The following DENND5A variants were observed in gnomAD, a reference collection of about 807,000 sequenced individuals.
DENND5A encodes DENN domain-containing protein 5A.
DENND5A carries 64 observed loss-of-function variants against 140.3 expected under a neutral mutation model. The observed-to-expected ratio is 0.46, with a 90% CI of 0.37 to 0.56. The LOEUF (loss-of-function observed/expected upper bound fraction) is 0.56, where lower values mean the gene tolerates loss of function less well. Among genes scored for constraint, DENND5A ranks in the 20% least tolerant of loss-of-function variants. The probability of loss-of-function intolerance (pLI) is 0.00; values close to 1 mark genes in which losing one functional copy is unlikely to be tolerated. For missense variants in DENND5A, 1,292 were observed against 1,593.8 expected (o/e 0.81, Z 3.22); for synonymous variants, 605 against 607.7 (o/e 1.00, Z 0.07).
intron 1 of DENND5A, among the ~76,000 whole-genome samples, chr11:9,261,691 T>C (rs1164500082): frequency 2.0e-5 from 3 of 150,684 alleles, no homozygotes; most frequent in Non-Finnish European, 4.4e-5. Flanking sequence ...TGAGGCAGAA[T>C]TGCTTGAACC....
intron 1 of DENND5A, among the ~76,000 whole-genome samples, chr11:9,250,640 T>C (rs567661157): frequency 5.3e-4 from 81 of 152,310 alleles, no homozygotes; most frequent in Non-Finnish European, 7.8e-4. Flanking sequence ...ACAATTTTAT[T>C]TCAAGCGGGG....
intron 1 of DENND5A, among the ~76,000 whole-genome samples, chr11:9,253,404 G>A (rs1590342405): frequency 6.6e-6 from 1 of 152,146 alleles, no homozygotes; most frequent in East Asian, 1.9e-4. Flanking sequence ...TATCATTAAA[G>A]TAAAATCCAC....
intron 4 of DENND5A, among the ~76,000 whole-genome samples, chr11:9,202,104 A>G (rs1020808860): frequency 3.3e-5 from 5 of 152,240 alleles, no homozygotes; most frequent in African/African-American, 1.2e-4. Context: ...ATCTGAATCT[A>G]ATCATGAAAA....
chr11:9,263,166 C>G (rs1369947662), intron 1 of DENND5A, among the ~76,000 whole-genome samples: 1 of 152,114 alleles, frequency 6.6e-6, no homozygotes, highest in African/African-American at 2.4e-5. Context: ...TCATTTTTTT[C>G]TAACCTTGTT....
chr11:9,262,984 G>A (rs960904976), intron 1 of DENND5A, among the ~76,000 whole-genome samples: 2 of 151,568 alleles, frequency 1.3e-5, no homozygotes, highest in African/African-American at 2.4e-5. Flanking sequence ...TTCGTGATCC[G>A]CCCGCCTCAG....
intron 1 of DENND5A, among the ~76,000 whole-genome samples, chr11:9,236,572 T>A (rs1851013559): frequency 2.0e-5 from 3 of 151,902 alleles, no homozygotes; most frequent in Admixed American, 6.6e-5. Context: ...TTAGCATTTT[T>A]AAATAGTAAA....
intron 10 of DENND5A, among the ~76,000 whole-genome samples, chr11:9,168,475 C>A (rs1402256130): frequency 1.3e-5 from 2 of 152,120 alleles, no homozygotes; most frequent in African/African-American, 2.4e-5. Flanking sequence ...TTGTGTATGT[C>A]CTTTATCAGC....
In DENND5A at chr11:9,170,725, T is replaced by C; in HGVS notation, c.1959A>G (p.Pro653=). ...LAKIDHTAIH[P]HLLDMKIGQG... is the part of the protein sequence containing the mutation. ...GTCCAATCTTCATGTCAAGTAAATG[T>C]GGGTGAATTGCAGTATGGTCAATTT... is the stretch of plus-strand genomic sequence containing the variant. The change falls in exon 9 of 23, where the codon CCA becomes CCG. Residue 653 remains proline (P), a synonymous_variant. Transcript: ENST00000328194. The C allele has an allele frequency of 9.3e-6, 15 of 1,614,018 alleles. No individual in the cohort carries two copies. The highest frequency in any genetic ancestry group is 1.2e-5 in the Non-Finnish European group (14 of 1,180,014).
At chr11:9,247,877 A>C (rs1851546274) in intron 1 of DENND5A, among the ~76,000 whole-genome samples, 1 of 152,224 alleles carries the variant, frequency 6.6e-6, no homozygotes, top group African/African-American at 2.4e-5. Flanking sequence ...GGCCATTTTA[A>C]AACATCTCAA....
At chr11:9,215,884 A>G (rs1315439639) in intron 1 of DENND5A, among the ~76,000 whole-genome samples, 1 of 152,126 alleles carries the variant, frequency 6.6e-6, no homozygotes, top group Non-Finnish European at 1.5e-5. Flanking sequence ...AGTTAGATGT[A>G]TACGCACACT....
chr11:9,231,710 C>T (rs113282245), intron 1 of DENND5A, among the ~76,000 whole-genome samples: 7,281 of 40,580 alleles, frequency 0.18, 309 homozygotes, highest in South Asian at 0.32. Flanking sequence ...AGCGAAACTC[C>T]GTCTCAAAAA....
At chr11:9,259,463 G>A (rs1218597680) in intron 1 of DENND5A, among the ~76,000 whole-genome samples, 1 of 152,008 alleles carries the variant, frequency 6.6e-6, no homozygotes, top group Non-Finnish European at 1.5e-5. Flanking sequence ...CTACTCCGGA[G>A]GCTGAGGCAG....
intron 5 of DENND5A, among the ~76,000 whole-genome samples, chr11:9,183,730 G>T (rs1358868147): frequency 6.6e-6 from 1 of 151,940 alleles, no homozygotes; most frequent in Non-Finnish European, 1.5e-5. Context: ...TTTTATACAA[G>T]GATTATCATT....
At chr11:9,146,576 C>T (rs552894024) in intron 16 of DENND5A, among the ~76,000 whole-genome samples, 43 of 152,332 alleles carry the variant, frequency 2.8e-4, no homozygotes, top group Non-Finnish European at 5.1e-4. Context: ...ATGAAATCTC[C>T]CACTGGTATC....
chr11:9,196,113 T>C (rs1416960893), intron 4 of DENND5A, among the ~76,000 whole-genome samples: 1 of 152,094 alleles, frequency 6.6e-6, no homozygotes, highest in Non-Finnish European at 1.5e-5. Flanking sequence ...CCACCATGCC[T>C]GGCTAATTTT....
chr11:9,252,852 A>ATTTT (rs576567620), intron 1 of DENND5A, among the ~76,000 whole-genome samples: 134 of 144,116 alleles, frequency 9.3e-4, no homozygotes, highest in African/African-American at 1.6e-3. Context: ...CAGCAACAGG[A>ATTTT]TTTTTTTTTT....
At chr11:9,232,731 C>T (rs900405297) in intron 1 of DENND5A, among the ~76,000 whole-genome samples, 2 of 152,132 alleles carry the variant, frequency 1.3e-5, no homozygotes, top group Non-Finnish European at 2.9e-5. Context: ...ATATACCCAA[C>T]AGACCAAAAG....
chr11:9,142,549 G>A (rs917953647), intron 21 of DENND5A, among the ~76,000 whole-genome samples, 173 bp downstream of exon 21: 1 of 152,130 alleles, frequency 6.6e-6, no homozygotes, highest in Non-Finnish European at 1.5e-5. Context: ...TACCAAGGAC[G>A]GGGAGGAGAG....
intron 4 of DENND5A, among the ~76,000 whole-genome samples, chr11:9,193,914 A>G (rs1849228500): frequency 6.6e-6 from 1 of 152,204 alleles, no homozygotes; most frequent in South Asian, 2.1e-4. Flanking sequence ...CCTTGCTCAT[A>G]ATAAAATCTA....
Sources: allele counts gnomAD v4.1 joint callset (sites outside exome capture counted in the v4.1 genomes callset), GRCh38; gene constraint gnomAD v4.1.1; transcripts MANE v1.5; gene names NCBI Gene and HGNC (gene_info 2026-07-23, HGNC 2026-07-21).